Variants in SPOCK3 observed in about 807,000 individuals in gnomAD.
SPOCK3 encodes the protein testican-3.
In SPOCK3, 30 loss-of-function variants were observed where a neutral mutation model predicts 56.6. That is an observed-to-expected ratio of 0.53 (90% confidence interval 0.40 to 0.72). SPOCK3 has a LOEUF of 0.72. Among genes scored for constraint, SPOCK3 ranks in the 30% least tolerant of loss-of-function variants. The pLI is 0.00. For missense variants in SPOCK3, 527 were observed against 530.0 expected, an observed-to-expected ratio of 0.99 and a Z score of 0.06; for synonymous variants, 196 against 183.3, an observed-to-expected ratio of 1.07 and a Z score of -0.56.
Position 167,234,016 on chromosome 4 carries a change from T to C in SPOCK3, c.158A>G (p.Lys53Arg). The part of the protein sequence containing the change: ...QWLTTISQYD[K>R]EVGQWNKFRD... ...GAATTTGTTCCACTGTCCGACTTCC[T>C]TGTCATACTGAGAGATTGTGGTGAG... Residue 53 changes from lysine (K) to arginine (R), a missense_variant, in exon 2 of 11, where the codon AAG (lysine) becomes AGG (arginine). Coordinates refer to ENST00000357545, the MANE Select transcript of SPOCK3 (RefSeq NM_001040159.2). The C allele has an allele frequency of 6.2e-7, 1 of 1,613,994 alleles. No individual in the cohort carries two copies.
At chr4:167,056,935 A>T (rs1430409826) in intron 3 of SPOCK3, among the ~76,000 whole-genome samples, 1 of 152,164 alleles carries the variant, frequency 6.6e-6, no homozygotes, top group Admixed American at 6.5e-5. Context: ...AATACAGAGA[A>T]CACCACAAAG....
intron 7 of SPOCK3, among the ~76,000 whole-genome samples, chr4:166,773,569 T>C (rs1232487490): frequency 6.6e-6 from 1 of 152,176 alleles, no homozygotes; most frequent in Non-Finnish European, 1.5e-5. Context: ...CAACATTCTA[T>C]TATCTTATGT....
chr4:166,883,029 A>G (rs1016862677), intron 6 of SPOCK3: 9 of 152,298 alleles, frequency 5.9e-5, no homozygotes, highest in African/African-American at 2.2e-4. Flanking sequence ...TTGCAAGAGT[A>G]TATTAATACA....
chr4:166,755,278 C>G (rs1270641278), intron 7 of SPOCK3, among the ~76,000 whole-genome samples: 1 of 152,036 alleles, frequency 6.6e-6, no homozygotes, highest in African/African-American at 2.4e-5. Flanking sequence ...GTAATTTACA[C>G]AGCCACTTGG....
intron 2 of SPOCK3, among the ~76,000 whole-genome samples, chr4:167,147,571 C>G (rs528737857): frequency 6.6e-6 from 1 of 152,226 alleles, no homozygotes; most frequent in East Asian, 1.9e-4. Flanking sequence ...AAATGCCCAT[C>G]AATGATAAAC....
chr4:167,055,753 G>C (rs1033633915), intron 3 of SPOCK3, among the ~76,000 whole-genome samples: 11 of 152,188 alleles, frequency 7.2e-5, no homozygotes, highest in African/African-American at 2.7e-4. Flanking sequence ...CTGGGGGAGG[G>C]AGCCCGCCAT....
intron 3 of SPOCK3, among the ~76,000 whole-genome samples, chr4:167,020,907 A>G (rs1195529521): frequency 1.3e-5 from 2 of 152,064 alleles, no homozygotes; most frequent in Non-Finnish European, 2.9e-5. Flanking sequence ...GGGTGGAGTA[A>G]GTTAAGATGC....
At chr4:166,941,058 C>A (rs1264175582) in intron 4 of SPOCK3, among the ~76,000 whole-genome samples, 6 of 151,924 alleles carry the variant, frequency 3.9e-5, no homozygotes, top group Non-Finnish European at 7.4e-5. Context: ...TGTTTAAATT[C>A]TTTTAAAGCA....
chr4:167,118,759 T>G (rs1420474715), intron 2 of SPOCK3, among the ~76,000 whole-genome samples: 4 of 152,190 alleles, frequency 2.6e-5, no homozygotes, highest in Non-Finnish European at 1.5e-5. Context: ...AAAAGAAAAC[T>G]TGGCATTTGT....
chr4:167,065,685 C>CA (rs907454738), intron 2 of SPOCK3, among the ~76,000 whole-genome samples: 4 of 151,256 alleles, frequency 2.6e-5, no homozygotes, highest in African/African-American at 7.3e-5. Context: ...AACAAACAAA[C>CA]AAAAAAACAA....
At chr4:166,888,037 T>C (rs1272459221) in intron 6 of SPOCK3, among the ~76,000 whole-genome samples, 1 of 152,168 alleles carries the variant, frequency 6.6e-6, no homozygotes, top group East Asian at 1.9e-4. Flanking sequence ...TGCTATAACA[T>C]TTAGTTTTAT....
intron 2 of SPOCK3, among the ~76,000 whole-genome samples, chr4:167,147,980 G>T (rs545440303): frequency 6.6e-6 from 1 of 150,848 alleles, no homozygotes; most frequent in South Asian, 2.1e-4. Flanking sequence ...AAGAAAGAAA[G>T]ATCAACTGAA....
At chr4:167,145,151 T>C (rs751095782) in intron 2 of SPOCK3, among the ~76,000 whole-genome samples, 8 of 152,020 alleles carry the variant, frequency 5.3e-5, no homozygotes, top group African/African-American at 1.7e-4. Flanking sequence ...TACTGATAGA[T>C]TGAATATGCA....
At chr4:166,998,646 C>A (rs77702709) in intron 4 of SPOCK3, among the ~76,000 whole-genome samples, 1 of 152,106 alleles carries the variant, frequency 6.6e-6, no homozygotes, top group East Asian at 1.9e-4. Context: ...ACTGCGACGT[C>A]TTTGGTTGCT....
At chr4:167,215,525 T>C (rs1255308606) in intron 2 of SPOCK3, among the ~76,000 whole-genome samples, 1 of 152,136 alleles carries the variant, frequency 6.6e-6, no homozygotes, top group East Asian at 1.9e-4. Context: ...AGGCCGCCTT[T>C]TCTAGATGAA....
intron 6 of SPOCK3, among the ~76,000 whole-genome samples, chr4:166,813,097 C>T (rs919684620): frequency 1.3e-5 from 2 of 152,000 alleles, no homozygotes; most frequent in Admixed American, 6.6e-5. Flanking sequence ...ATGTTCCATA[C>T]ACACATTCTG....
intron 6 of SPOCK3, among the ~76,000 whole-genome samples, chr4:166,858,660 T>A (rs1429387755): frequency 6.6e-6 from 1 of 152,104 alleles, no homozygotes. Context: ...TGATCATACA[T>A]GTGGAATGGA....
intron 3 of SPOCK3, among the ~76,000 whole-genome samples, chr4:167,023,786 A>G (rs1356345273): frequency 1.3e-5 from 2 of 152,014 alleles, no homozygotes; most frequent in Non-Finnish European, 2.9e-5. Context: ...TGGGCTAGAG[A>G]AAGGACAAGA....
At chr4:166,934,065 T>C (rs935470734) in intron 4 of SPOCK3, among the ~76,000 whole-genome samples, 1 of 152,124 alleles carries the variant, frequency 6.6e-6, no homozygotes, top group African/African-American at 2.4e-5. Flanking sequence ...AAACTCTTCA[T>C]AATTCTTAAT....
Sources: gnomAD v4.1 joint callset for allele counts (sites outside exome capture counted in the v4.1 genomes callset) on GRCh38, gnomAD v4.1.1 for gene constraint, MANE v1.5 for transcripts, NCBI Gene and HGNC (gene_info 2026-07-23, HGNC 2026-07-21) for gene names.